IVNS1ABP: variants seen among roughly 807,000 people sequenced by gnomAD.
IVNS1ABP encodes the protein influenza virus NS1A binding protein.
A neutral mutation model predicts 78.9 loss-of-function variants in IVNS1ABP; 25 were observed. The ratio of observed to expected loss-of-function variants is 0.32; its 90% CI spans 0.23 to 0.44. The LOEUF (loss-of-function observed/expected upper bound fraction) is 0.44, where lower values mean the gene tolerates loss of function less well. Ranked by LOEUF, IVNS1ABP falls within the 20% of genes least tolerant of loss-of-function variation. The pLI is 1.00. For missense variants in IVNS1ABP, 494 were observed against 768.9 expected, an observed-to-expected ratio of 0.64 and a Z score of 4.23; for synonymous variants, 241 against 259.7, an observed-to-expected ratio of 0.93 and a Z score of 0.69.
At position 185,300,430 on chromosome 1, in the gene IVNS1ABP, C is replaced by A; in HGVS notation, c.1242+7G>T. The A allele has an allele frequency of 6.2e-7, 1 of 1,613,536 alleles. No individual in the cohort carries two copies. The highest frequency in any genetic ancestry group is 8.5e-7 in the Non-Finnish European group (1 of 1,179,696). On this transcript the variant is annotated splice_region_variant and intron_variant, in intron 11 of 14. Coordinates refer to ENST00000367498, the MANE Select transcript of IVNS1ABP (RefSeq NM_006469.5). Reference sequence around the variant, plus strand: ...TAGGGGTTGCTCCTGCAACATAATGCGCTTACCATGAGTACAGCCATTTGA... The same window carrying A: ...TAGGGGTTGCTCCTGCAACATAATGAGCTTACCATGAGTACAGCCATTTGA...
intron 9 of IVNS1ABP, 81 bp from the exon 10 acceptor site, chr1:185,301,277 T>A: frequency 7.1e-7 from 1 of 1,412,486 alleles, no homozygotes; most frequent in East Asian, 2.3e-5. Flanking sequence ...GACTCCAGTC[T>A]CCACATCCCA....
At chr1:185,300,940 A>G (rs761981493) in intron 10 of IVNS1ABP, 32 bp downstream of exon 10, 6 of 1,566,124 alleles carry the variant, frequency 3.8e-6, no homozygotes, top group Non-Finnish European at 5.3e-6. Flanking sequence ...GCCCATCTAC[A>G]TGCTTAGCCA....
At chr1:185,300,791 A>G (rs1045316128) in intron 10 of IVNS1ABP, 181 bp downstream of exon 10, 4 of 689,454 alleles carry the variant, frequency 5.8e-6, no homozygotes, top group East Asian at 5.5e-5. Context: ...CCATGACATA[A>G]TTTTTTTAAA....
intron 14 of IVNS1ABP, chr1:185,299,318 CCAATTAGGTATGGAGTAGA>C (rs1665504622): frequency 1.1e-5 from 2 of 184,892 alleles, no homozygotes; most frequent in Admixed American, 1.1e-4. Flanking sequence ...GGTTGTATTT[CCAATTAGGTATGGAGTAGA>C]CAGTTGGAAA....
In IVNS1ABP at chr1:185,311,885, G is replaced by GT. The variant is rs148882450; in HGVS notation, c.-246-564dup. Among the ~76,000 whole-genome samples, 75 of 152,282 alleles carry GT rather than the reference G, an allele frequency of 4.9e-4. 1 individual carries two copies. The East Asian group carries it at 0.013, about 25-fold the overall frequency. ...GCCAAATGCTCCCAGTTGGGAAGCA[G>GT]TTTCTCCTCATCCTCCACATTTAGA... On this transcript the variant is annotated intron_variant, in intron 1 of 14. Coordinates refer to ENST00000367498, the MANE Select transcript of IVNS1ABP (RefSeq NM_006469.5).
At chr1:185,306,654 A>C in intron 7 of IVNS1ABP, 1 of 1,156,954 alleles carries the variant, frequency 8.6e-7, no homozygotes, top group South Asian at 1.8e-5. Flanking sequence ...ATGGGGAGGA[A>C]CAACCATTAG....
chr1:185,301,740 T>C (rs552792676), intron 8 of IVNS1ABP, 177 bp from the exon 9 acceptor site: 1 of 564,904 alleles, frequency 1.8e-6, no homozygotes, highest in East Asian at 3.0e-5. Flanking sequence ...CATACTTCCA[T>C]CTCCACTCAA....
At chr1:185,307,718 T>G in intron 5 of IVNS1ABP, 56 bp from the exon 6 acceptor site, 2 of 1,529,546 alleles carry the variant, frequency 1.3e-6, no homozygotes, top group Non-Finnish European at 1.8e-6. Context: ...TCAACAAATA[T>G]TTAATGTTCA....
intron 5 of IVNS1ABP, 65 bp from the exon 6 acceptor site, chr1:185,307,727 C>A: frequency 1.3e-6 from 2 of 1,495,108 alleles, no homozygotes; most frequent in South Asian, 2.4e-5. Flanking sequence ...ATTTAATGTT[C>A]AGTGTGGTAA....
chr1:185,312,959 A>G (rs779729580), intron 1 of IVNS1ABP, among the ~76,000 whole-genome samples: 6 of 152,226 alleles, frequency 3.9e-5, no homozygotes, highest in Admixed American at 6.5e-5. Flanking sequence ...GTCCCCATGC[A>G]AATTGTTATA....
Position 185,309,180 on chromosome 1 carries a change from T to G in IVNS1ABP, c.112-8A>C. The G allele has an allele frequency of 6.4e-7, 1 of 1,559,168 alleles. No individual in the cohort carries two copies. Among genetic ancestry groups the G allele is most frequent in the Non-Finnish European group, 8.7e-7 (1 of 1,155,810 alleles). On this transcript the variant is annotated splice_region_variant and splice_polypyrimidine_tract_variant and intron_variant, in intron 3 of 14. Coordinates refer to ENST00000367498, the MANE Select transcript of IVNS1ABP (RefSeq NM_006469.5). ...CATTTCATGGCCACAGACCTGAAAT[T>G]ATGAAGAATTATAATTATAAGTATT... is the stretch of plus-strand genomic sequence containing the variant.
intron 3 of IVNS1ABP, 67 bp from the exon 4 acceptor site, chr1:185,309,239 T>C: frequency 8.0e-7 from 1 of 1,257,118 alleles, no homozygotes. Context: ...AATTACTATA[T>C]CAGATTCCTT....
chr1:185,309,322 T>C, intron 3 of IVNS1ABP, 61 bp downstream of exon 3: 1 of 1,299,928 alleles, frequency 7.7e-7, no homozygotes, highest in Non-Finnish European at 1.1e-6. Context: ...TAAGCAAATC[T>C]AAGAACTTAT....
At chr1:185,311,419 A>G in intron 1 of IVNS1ABP, 97 bp from the exon 2 acceptor site, 1 of 384,070 alleles carries the variant, frequency 2.6e-6, no homozygotes. Context: ...CCTGATCTTC[A>G]AGAGATTTGA....
Position 185,297,073 on chromosome 1 carries a change from T to TA in IVNS1ABP, c.*961dup, listed in dbSNP as rs1325417706. The TA allele has an allele frequency of 2.6e-5, 4 of 152,160 alleles. No homozygotes were observed. The highest frequency in any genetic ancestry group is 9.7e-5 in the African/African-American group (4 of 41,446). 9.4% of individuals were successfully genotyped at this position (152,160 alleles called of 1,614,324 possible). ...AAACTGAACAAAAACATAGTTCTGA[T>TA]AAAACCTGCATTCACAACCTAATGT... On this transcript the variant is annotated 3_prime_UTR_variant, in exon 15 of 15. Coordinates refer to ENST00000367498, the MANE Select transcript of IVNS1ABP (RefSeq NM_006469.5).
chr1:185,307,617 T>C lies in IVNS1ABP; in HGVS notation c.403A>G (p.Ile135Val). The change falls in exon 6 of 15, where the codon ATC becomes GTC. Residue 135 changes from isoleucine (I) to valine (V), a missense_variant. Ile to Val is a conservative substitution (Grantham distance 29). Coordinates refer to ENST00000367498, the MANE Select transcript of IVNS1ABP (RefSeq NM_006469.5). ...CAACTTGCAAAATTTCGGTAAGAGA[T>C]GCAGCTGGTAACATCCATTCTAGAC... Reference protein sequence around the residue: ...LLSRMDVTSCISYRNFASCMG... With the variant: ...LLSRMDVTSCVSYRNFASCMG... 6.2e-7 allele frequency: 1 copy of C among 1,613,642 alleles called. No individual in the cohort carries two copies. The highest frequency in any genetic ancestry group is 2.2e-5 in the East Asian group (1 of 44,850).
intron 7 of IVNS1ABP, chr1:185,306,648 G>C (rs1665747598): frequency 8.7e-7 from 1 of 1,150,882 alleles, no homozygotes; most frequent in Non-Finnish European, 1.1e-6. Context: ...AAATCAATGG[G>C]GAGGAACAAC....
intron 8 of IVNS1ABP, among the ~76,000 whole-genome samples, chr1:185,304,762 G>A (rs1423989781): frequency 6.6e-6 from 1 of 152,088 alleles, no homozygotes; most frequent in Non-Finnish European, 1.5e-5. Flanking sequence ...AAAGGCTGCC[G>A]GGATGCTAGA....
chr1:185,304,213 C>T (rs1665676909), intron 8 of IVNS1ABP, among the ~76,000 whole-genome samples: 1 of 152,098 alleles, frequency 6.6e-6, no homozygotes, highest in Admixed American at 6.6e-5. Context: ...TTTGCCCACT[C>T]TTAGAAGGTC....
Sources: gnomAD v4.1 joint callset for allele counts (sites outside exome capture counted in the v4.1 genomes callset) on GRCh38, gnomAD v4.1.1 for gene constraint, MANE v1.5 for transcripts, NCBI Gene and HGNC (gene_info 2026-07-23, HGNC 2026-07-21) for gene names.